The following SCARF1 variants were observed in gnomAD, a reference collection of about 807,000 sequenced individuals.
SCARF1 encodes the protein acetyl LDL receptor.
Under a neutral mutation model 76.3 loss-of-function variants are expected in SCARF1, and 49 were observed. The ratio of observed to expected loss-of-function variants is 0.64; its 90% CI spans 0.51 to 0.81. The LOEUF (loss-of-function observed/expected upper bound fraction) is 0.81, where lower values mean the gene tolerates loss of function less well. Ranked by LOEUF, SCARF1 falls within the 40% of genes least tolerant of loss-of-function variation. The pLI is 0.00. For missense variants in SCARF1, 1,098 were observed against 1,143.9 expected, an observed-to-expected ratio of 0.96 and a Z score of 0.58; for synonymous variants, 495 against 474.6, an observed-to-expected ratio of 1.04 and a Z score of -0.56.
chr17:1,635,593 C>A lies in SCARF1; in HGVS notation c.1658G>T (p.Gly553Val), dbSNP rs748118983. 6.2e-7 allele frequency: 1 copy of A among 1,603,500 alleles called. No homozygotes were observed. The highest frequency in any genetic ancestry group is 8.5e-7 in the Non-Finnish European group (1 of 1,179,722). Residue 553 changes from glycine to valine, a missense_variant, in exon 11 of 11, where the codon GGG (glycine) becomes GTG (valine). Physicochemically the swap from Gly to Val is moderately radical, Grantham distance 109. Coordinates refer to ENST00000263071, the MANE Select transcript of SCARF1 (RefSeq NM_003693.4). ...QEGMVPVAQA[G>V]SSEASLAAGA... ...TGCAGCCAGGCTGGCCTCTGACGAC[C>A]CTGCCTGGGCCACAGGGACCATCCC...
At position 1,643,520 on chromosome 17, in the gene SCARF1, GTGCACTCGCCGGAGGC is replaced by G; in HGVS notation, c.697_712del (p.Ala233ProfsTer129). The G allele has an allele frequency of 7.2e-7, 1 of 1,383,996 alleles. No homozygotes were observed. Among genetic ancestry groups the G allele is most frequent in the Non-Finnish European group, 9.3e-7 (1 of 1,073,184 alleles). The allele number at this position is 1,383,996 out of a possible 1,614,324, so 85.7% of individuals were successfully genotyped here. A position where few individuals can be genotyped will look rare whatever the true frequency, so the allele number is the denominator to read the frequency against. On this transcript the variant is annotated frameshift_variant, in exon 4 of 11. Transcript: ENST00000263071. LOFTEE classifies it high-confidence loss of function. The stretch of plus-strand genomic sequence containing the variant: ...CGCTCCGCGGAAGCCGGGCGGGCAG[GTGCACTCGCCGGAGGC>G]GGCGCTGCAGCGGCCCCGCACACAC...
rs767433567 is a variant in SCARF1 at position 1,638,854 on chromosome 17, G to C, written c.1316C>G (p.Ala439Gly). ...VPLLLLFLGL[A>G]CCACCCWAPR... ...GGCCCAGCAGCAGCAGGCACAGCAG[G>C]CAAGGCCCAGGAAGAGCAGCAGCAG... The change falls in exon 8 of 11, where the codon GCC becomes GGC. Residue 439 changes from alanine to glycine, a missense_variant. Coordinates refer to ENST00000263071, the MANE Select transcript of SCARF1 (RefSeq NM_003693.4). 3.7e-6 allele frequency: 6 copies of C among 1,610,846 alleles called. No individual in the cohort carries two copies. Among genetic ancestry groups the C allele is most frequent in the Non-Finnish European group, 4.2e-6 (5 of 1,178,406 alleles).
intron 7 of SCARF1, among the ~76,000 whole-genome samples, chr17:1,639,268 G>A (rs1456947827): frequency 6.6e-6 from 1 of 152,222 alleles, no homozygotes; most frequent in South Asian, 2.1e-4. Flanking sequence ...CACTTTGGGA[G>A]GCCGAGGTGG....
In SCARF1 at chr17:1,640,146, G is replaced by T; in HGVS notation, c.1011-106C>A. On this transcript the variant is annotated intron_variant, in intron 5 of 10. Coordinates refer to ENST00000263071, the MANE Select transcript of SCARF1 (RefSeq NM_003693.4). The surrounding 1 kb of genome is among the most constrained non-coding windows in gnomAD (Gnocchi z 4.7). ...GCTCCTGGACTCAAGGACCCAACTG[G>T]CCACTCCTCAGCAGTGAAGCTCAGG... 1.5e-6 allele frequency: 2 copies of T among 1,363,200 alleles called. No individual in the cohort carries two copies. The highest frequency in any genetic ancestry group is 2.0e-6 in the Non-Finnish European group (2 of 998,188). 84.4% of individuals were successfully genotyped at this position (1,363,200 alleles called of 1,614,324 possible).
In SCARF1 at chr17:1,635,334, C is replaced by A. The variant is rs3744644; in HGVS notation, c.1917G>T (p.Glu639Asp). ...GAAAGGACTCGGGGGCTTCTGCTTCCTCTGGGCCTGTGGACTCTTCGGCTT... is the reference window on the plus strand; with the variant it reads ...GAAAGGACTCGGGGGCTTCTGCTTCATCTGGGCCTGTGGACTCTTCGGCTT... ...GREAEESTGP[E>D]EAEAPESFPA... The change falls in exon 11 of 11, where the codon GAG becomes GAT. Residue 639 changes from glutamate to aspartate, a missense_variant. Coordinates refer to ENST00000263071, the MANE Select transcript of SCARF1 (RefSeq NM_003693.4). The A allele has an allele frequency of 1.1e-5, 18 of 1,613,010 alleles. No homozygotes were observed. The highest frequency in any genetic ancestry group is 4.0e-5 in the African/African-American group (3 of 74,904).
chr17:1,639,285 C>G (rs1909843031), intron 7 of SCARF1, among the ~76,000 whole-genome samples: 1 of 152,210 alleles, frequency 6.6e-6, no homozygotes, highest in Admixed American at 6.5e-5. Flanking sequence ...GTGGGCAGAT[C>G]ACCTGAGGTC....
chr17:1,642,282 C>CA (rs1910119885), intron 4 of SCARF1, among the ~76,000 whole-genome samples: 1 of 151,268 alleles, frequency 6.6e-6, no homozygotes, highest in African/African-American at 2.4e-5. Context: ...GTGCTGCACC[C>CA]ACTAGCTCGT....
Position 1,639,816 on chromosome 17 carries a change from AT to A in SCARF1, c.1140-75del, listed in dbSNP as rs147382101. The A allele has an allele frequency of 2.1e-3, 3,367 of 1,608,274 alleles. 66 individuals carry two copies. The African/African-American group carries it at 0.04, about 19-fold the overall frequency. On this transcript the variant is annotated intron_variant, in intron 6 of 10. Transcript: ENST00000263071. ...AGGCAGGCAGGAGACGGGCAGGGAG[AT>A]TTCTGGGCACTGTCCAGGGAAGTTC...
intron 8 of SCARF1, 109 bp downstream of exon 8, chr17:1,638,697 C>T (rs1228883126): frequency 3.4e-5 from 47 of 1,364,880 alleles, no homozygotes; most frequent in Non-Finnish European, 4.4e-5. Context: ...CACCTCTGAC[C>T]CACGTGGGCA....
At chr17:1,639,181 C>T (rs1909836855) in intron 7 of SCARF1, among the ~76,000 whole-genome samples, 2 of 152,170 alleles carry the variant, frequency 1.3e-5, no homozygotes, top group Non-Finnish European at 2.9e-5. Flanking sequence ...TTCAGGGGGC[C>T]CCAGAGCATC....
chr17:1,636,950 A>C lies in SCARF1; in HGVS notation c.1477T>G (p.Trp493Gly), dbSNP rs1245138434. ...CCCAGCGCCCACTGACCTGTCACCC[A>C]GGGTAGCTTGTGGGAGCTGAGGGAA... The part of the protein sequence containing the change: ...CRSLSSHKLP[W>G]VTVSHHDPEV... Residue 493 changes from tryptophan (W) to glycine (G), a missense_variant, in exon 9 of 11, where the codon TGG becomes GGG. Trp to Gly is a radical substitution (Grantham distance 184). Coordinates refer to ENST00000263071, the MANE Select transcript of SCARF1 (RefSeq NM_003693.4). 2.5e-6 allele frequency: 4 copies of C among 1,613,960 alleles called. No homozygotes were observed. Among genetic ancestry groups the C allele is most frequent in the Non-Finnish European group, 3.4e-6 (4 of 1,180,012 alleles).
At position 1,639,968 on chromosome 17, in the gene SCARF1, C is replaced by A. The variant is rs1160581904; in HGVS notation, c.1083G>T (p.Gly361=). Residue 361 remains glycine, a synonymous_variant, in exon 6 of 11, where the codon GGG becomes GGT. Transcript: ENST00000263071. ...AGTCCCCTGTCACAGTATCACAGGA[C>A]CCCTGAACACAGGTGGGGCAGGTAG... The part of the protein sequence containing the change: ...CGSTCPTCVQ[G]SCDTVTGDCV... The A allele has an allele frequency of 4.3e-6, 7 of 1,614,068 alleles. No individual in the cohort carries two copies. The highest frequency in any genetic ancestry group is 5.9e-6 in the Non-Finnish European group (7 of 1,180,004).
At position 1,634,741 on chromosome 17, in the gene SCARF1, C is replaced by T. The variant is rs770087678; in HGVS notation, c.*17G>A. The T allele has an allele frequency of 6.4e-6, 10 of 1,567,524 alleles. 1 individual carries two copies. In the Admixed American group the frequency reaches 1.7e-4, roughly 26 times the overall value. ...GTCTAGTCCATCCACTCTCCCCACT[C>T]CCCAAATTCAAGGTCATCAGGGTTC... On this transcript the variant is annotated 3_prime_UTR_variant, in exon 11 of 11. Coordinates refer to ENST00000263071, the MANE Select transcript of SCARF1 (RefSeq NM_003693.4).
At position 1,645,387 on chromosome 17, in the gene SCARF1, C is replaced by A; in HGVS notation, c.102-148G>T. On this transcript the variant is annotated intron_variant, in intron 1 of 10. Coordinates refer to ENST00000263071, the MANE Select transcript of SCARF1 (RefSeq NM_003693.4). This position sits in a 1 kb window ranked among gnomAD's most constrained non-coding sequence, Gnocchi z 6.3. ...GATCTTTACAGCTAGGGTCCCCAGC[C>A]CCTCCCCTCTCCTTCCCTGACCCTT... 9.8e-7 allele frequency: 1 copy of A among 1,019,278 alleles called. No individual in the cohort carries two copies. 63.1% of individuals were successfully genotyped at this position (1,019,278 alleles called of 1,614,324 possible).
Position 1,645,074 on chromosome 17 carries a change from C to A in SCARF1, c.163+104G>T. The A allele has an allele frequency of 6.4e-7, 1 of 1,551,798 alleles. No homozygotes were observed. The highest frequency in any genetic ancestry group is 8.8e-7 in the Non-Finnish European group (1 of 1,133,508). On this transcript the variant is annotated intron_variant, in intron 2 of 10. Transcript: ENST00000263071. This position sits in a 1 kb window ranked among gnomAD's most constrained non-coding sequence, Gnocchi z 6.3. ...GGGTGCGTCACAGGAGAAACCCTGACTCCTGGTATCAGGAGGGGCAGGCCC... is the reference window on the plus strand; with the variant it reads ...GGGTGCGTCACAGGAGAAACCCTGAATCCTGGTATCAGGAGGGGCAGGCCC...
chr17:1,642,799 C>G (rs1356781832), intron 4 of SCARF1, among the ~76,000 whole-genome samples: 9 of 152,208 alleles, frequency 5.9e-5, no homozygotes, highest in Non-Finnish European at 1.2e-4. Context: ...CAACCTCCGC[C>G]TCCAGGGCTC....
At chr17:1,642,875 T>C (rs920112857) in intron 4 of SCARF1, among the ~76,000 whole-genome samples, 7 of 152,080 alleles carry the variant, frequency 4.6e-5, no homozygotes, top group African/African-American at 1.7e-4. Context: ...CTAATTTTTG[T>C]GTTTTTAGTA....
At chr17:1,641,678 G>A (rs1910063046) in intron 4 of SCARF1, among the ~76,000 whole-genome samples, 1 of 152,134 alleles carries the variant, frequency 6.6e-6, no homozygotes, top group Non-Finnish European at 1.5e-5. Flanking sequence ...GTTTATAAAA[G>A]CCATTTAGCT....
In SCARF1 at chr17:1,639,948, C is replaced by T; in HGVS notation, c.1103G>A (p.Gly368Glu). The T allele has an allele frequency of 6.2e-7, 1 of 1,614,058 alleles. No individual in the cohort carries two copies. Among genetic ancestry groups the T allele is most frequent in the Non-Finnish European group, 8.5e-7 (1 of 1,179,990 alleles). The part of the protein sequence containing the change: ...CVQGSCDTVT[G>E]DCVCSAGYWG... ...GTAGCCGGCACTGCAGACACAGTCC[C>T]CTGTCACAGTATCACAGGACCCCTG... is the stretch of plus-strand genomic sequence containing the variant. Residue 368 changes from glycine to glutamate, a missense_variant, in exon 6 of 11, where the codon GGG becomes GAG. By Grantham distance (98) the Gly-to-Glu change is moderately conservative. Transcript: ENST00000263071.
Sources: allele counts gnomAD v4.1 joint callset (sites outside exome capture counted in the v4.1 genomes callset), GRCh38; gene constraint gnomAD v4.1.1; non-coding constraint Gnocchi (gnomAD v3.1); transcripts MANE v1.5; gene names NCBI Gene and HGNC (gene_info 2026-07-23, HGNC 2026-07-21).